The following MAP3K13 variants were observed in gnomAD, a reference collection of about 807,000 sequenced individuals.
MAP3K13 encodes the protein mitogen-activated protein kinase kinase kinase 13.
Under a neutral mutation model 104.0 loss-of-function variants are expected in MAP3K13, and 52 were observed. The observed-to-expected ratio is 0.50, with a 90% CI of 0.40 to 0.63. The LOEUF (loss-of-function observed/expected upper bound fraction) is 0.63, where lower values mean the gene tolerates loss of function less well. Ranked by LOEUF, MAP3K13 falls within the 20% of genes least tolerant of loss-of-function variation. The probability of loss-of-function intolerance (pLI) is 0.00; values close to 1 mark genes in which losing one functional copy is unlikely to be tolerated. For synonymous variants in MAP3K13, 394 were observed against 442.2 expected (o/e 0.89, Z 1.37); for missense variants, 914 against 1,218.5 (o/e 0.75, Z 3.72).
intron 10 of MAP3K13, among the ~76,000 whole-genome samples, chr3:185,470,134 T>C (rs1717694114): frequency 6.6e-6 from 1 of 152,302 alleles, no homozygotes; most frequent in East Asian, 1.9e-4. Flanking sequence ...ATTTATTGCA[T>C]TTCTCATAAT....
In MAP3K13 at chr3:185,423,349, G is replaced by A. The variant is rs2108797743; in HGVS notation, c.-85-5148G>A. ...GAGTCCTGGCAGCCAAGGCAGACCG[G>A]AAGTAACTGCTGAGTCACTGGCTAG... On this transcript the variant is annotated intron_variant, in intron 1 of 13. Transcript: ENST00000265026. The surrounding 1 kb of genome is among the most constrained non-coding windows in gnomAD (Gnocchi z 4.1). Among the ~76,000 whole-genome samples the A allele has an allele frequency of 6.6e-6, 1 of 152,334 alleles. No individual in the cohort carries two copies. Among genetic ancestry groups the A allele is most frequent in the African/African-American group, 2.4e-5 (1 of 41,584 alleles).
chr3:185,355,587 A>G (rs926066674), intron 2 of MAP3K13, among the ~76,000 whole-genome samples: 4 of 152,222 alleles, frequency 2.6e-5, no homozygotes, highest in African/African-American at 9.7e-5. Flanking sequence ...GTGAGCTGAG[A>G]TCACGCTGCT....
chr3:185,351,344 A>G (rs1007478470), intron 2 of MAP3K13, among the ~76,000 whole-genome samples: 4 of 152,222 alleles, frequency 2.6e-5, no homozygotes, highest in African/African-American at 9.6e-5. Context: ...GCCTGAAACT[A>G]GAATAAAAGT....
chr3:185,466,132 G>A (rs1717406298), intron 9 of MAP3K13, among the ~76,000 whole-genome samples: 1 of 152,198 alleles, frequency 6.6e-6, no homozygotes, highest in South Asian at 2.1e-4. Context: ...AAGAGCACGG[G>A]GTGAAGACCG....
chr3:185,399,180 AT>A (rs1291087436), intron 1 of MAP3K13, among the ~76,000 whole-genome samples: 2 of 152,160 alleles, frequency 1.3e-5, no homozygotes, highest in African/African-American at 4.8e-5. Context: ...TCATGTGTAT[AT>A]TAGTGTTAGT....
intron 2 of MAP3K13, among the ~76,000 whole-genome samples, chr3:185,356,542 C>G (rs1000463518): frequency 5.3e-5 from 8 of 152,084 alleles, no homozygotes; most frequent in African/African-American, 1.7e-4. Context: ...TTCCTCTGCC[C>G]GATATATGGA....
chr3:185,464,332 T>C (rs1302258747), intron 8 of MAP3K13, among the ~76,000 whole-genome samples: 1 of 152,174 alleles, frequency 6.6e-6, no homozygotes, highest in Non-Finnish European at 1.5e-5. Context: ...TAATCACTGA[T>C]ATGGTTTGGC....
chr3:185,386,801 T>G (rs180727881), intron 1 of MAP3K13, among the ~76,000 whole-genome samples: 1 of 152,070 alleles, frequency 6.6e-6, no homozygotes, highest in Non-Finnish European at 1.5e-5. Context: ...AATGCAGGAA[T>G]AGAAAACCAA....
At chr3:185,337,245 C>T (rs1722539281) in intron 2 of MAP3K13, among the ~76,000 whole-genome samples, 2 of 152,108 alleles carry the variant, frequency 1.3e-5, no homozygotes, top group South Asian at 4.1e-4. Flanking sequence ...AGATGCGTAG[C>T]AGTGGTTTCC....
chr3:185,336,104 C>T (rs979510710), intron 2 of MAP3K13, among the ~76,000 whole-genome samples: 3 of 152,012 alleles, frequency 2.0e-5, no homozygotes, highest in Non-Finnish European at 2.9e-5. Context: ...TGAGTTGTCA[C>T]ATAAGAAGTA....
chr3:185,297,922 T>A (rs1720975791), intron 2 of MAP3K13, among the ~76,000 whole-genome samples: 1 of 151,964 alleles, frequency 6.6e-6, no homozygotes, highest in Admixed American at 6.6e-5. Context: ...TATTGTACAG[T>A]ACATGTCTTT....
chr3:185,475,093 CAAAAAA>C (rs972600527), intron 11 of MAP3K13, among the ~76,000 whole-genome samples: 3 of 41,850 alleles, frequency 7.2e-5, no homozygotes, highest in Non-Finnish European at 1.6e-4. Flanking sequence ...GACCCCATCT[CAAAAAA>C]AAAAAAAAAA....
rs531352697 is a variant in MAP3K13, at chr3:185,311,600, C to G, written c.-86+25957C>G. On this transcript the variant is annotated intron_variant, in intron 2 of 14. Transcript: ENST00000424227. ...TATTTTCTTGGCAGCCTGGGGAGGT[C>G]CTCAGGCTCATCAAGGTTCCCTGAT... Among the ~76,000 whole-genome samples the G allele has an allele frequency of 4.6e-5, 7 of 152,292 alleles. 1 individual carries two copies. Among genetic ancestry groups the G allele is most frequent in the African/African-American group, 1.7e-4 (7 of 41,572 alleles).
intron 11 of MAP3K13, chr3:185,476,995 G>A: frequency 2.3e-6 from 1 of 443,378 alleles, no homozygotes; most frequent in Non-Finnish European, 4.3e-6. Flanking sequence ...ACAAGAGACT[G>A]ACCCCAAATC....
chr3:185,327,162 C>A (rs1722068165), intron 2 of MAP3K13, among the ~76,000 whole-genome samples: 1 of 152,172 alleles, frequency 6.6e-6, no homozygotes, highest in Non-Finnish European at 1.5e-5. Context: ...AGGCCACCTG[C>A]AGTCCTCTGA....
At chr3:185,352,160 G>T (rs1008835472) in intron 2 of MAP3K13, among the ~76,000 whole-genome samples, 2 of 152,090 alleles carry the variant, frequency 1.3e-5, no homozygotes, top group African/African-American at 2.4e-5. Flanking sequence ...AAGTAAGAGT[G>T]GGGGCCGGGC....
chr3:185,402,127 G>C (rs995712238), intron 1 of MAP3K13, among the ~76,000 whole-genome samples: 33 of 152,230 alleles, frequency 2.2e-4, no homozygotes, highest in African/African-American at 7.5e-4. Flanking sequence ...GGCATTTGGG[G>C]AATCTCACCT....
At chr3:185,339,658 A>G (rs1452993019) in intron 2 of MAP3K13, among the ~76,000 whole-genome samples, 1 of 152,266 alleles carries the variant, frequency 6.6e-6, no homozygotes, top group East Asian at 1.9e-4. Context: ...GCAACTACCT[A>G]ATTCTGCCAT....
intron 1 of MAP3K13, among the ~76,000 whole-genome samples, chr3:185,405,553 C>T (rs1347541254): frequency 6.6e-6 from 1 of 152,164 alleles, no homozygotes; most frequent in Admixed American, 6.5e-5. Context: ...CTTTTCTTTG[C>T]GCAGTTCTTT....
Sources: gnomAD v4.1 joint callset for allele counts (sites outside exome capture counted in the v4.1 genomes callset) on GRCh38, gnomAD v4.1.1 for gene constraint, Gnocchi (gnomAD v3.1) non-coding constraint, MANE v1.5 for transcripts, NCBI Gene and HGNC (gene_info 2026-07-23, HGNC 2026-07-21) for gene names.